Variants in FYB2 observed in about 807,000 individuals in gnomAD.
The protein encoded by FYB2 is FYN-binding protein 2.
Under a neutral mutation model 94.1 loss-of-function variants are expected in FYB2, and 103 were observed. That is an observed-to-expected ratio of 1.09 (90% CI 0.93 to 1.29). The LOEUF is 1.29. FYB2 is among the 50% of genes most tolerant of loss of function. The pLI is 0.00. For missense variants in FYB2, 896 were observed against 841.5 expected, an observed-to-expected ratio of 1.06 and a Z score of -0.80; for synonymous variants, 293 against 287.9, an observed-to-expected ratio of 1.02 and a Z score of -0.18.
chr1:56,786,999 T>G (rs1184660470), intron 4 of FYB2, among the ~76,000 whole-genome samples, 176 bp downstream of exon 4: 3 of 152,122 alleles, frequency 2.0e-5, no homozygotes, highest in Admixed American at 6.6e-5. Context: ...TAAATGCAAT[T>G]TATTTAATCT....
At chr1:56,755,174 A>G (rs984757749) in intron 7 of FYB2, among the ~76,000 whole-genome samples, 2 of 152,130 alleles carry the variant, frequency 1.3e-5, no homozygotes, top group Non-Finnish European at 2.9e-5. Context: ...CTCTGGACCC[A>G]AGAAGTGTGA....
chr1:56,762,409 A>C (rs1003022862), intron 5 of FYB2, among the ~76,000 whole-genome samples: 6 of 152,188 alleles, frequency 3.9e-5, no homozygotes, highest in Non-Finnish European at 5.9e-5. Flanking sequence ...TGATTTAATC[A>C]GAATTTTATA....
intron 15 of FYB2, among the ~76,000 whole-genome samples, chr1:56,730,904 A>G (rs775217334): frequency 6.6e-6 from 1 of 152,118 alleles, no homozygotes; most frequent in Non-Finnish European, 1.5e-5. Context: ...AGCAAACTCA[A>G]TACAACAGCA....
chr1:56,737,547 A>G (rs61765484), intron 14 of FYB2: 2,544 of 155,828 alleles, frequency 0.016, 35 homozygotes, highest in Non-Finnish European at 0.025. Flanking sequence ...GGGGAGAAAC[A>G]GCTTAATAGA....
chr1:56,744,158 T>C lies in FYB2; in HGVS notation c.1496A>G (p.Lys499Arg). ...EIYDDVEYSR[K>R]EVPKLNYSSS... ...AGACTGGAATGTTACTTACACCTCT[T>C]TCCTGGAGTACTCGACATCATCATA... Residue 499 changes from lysine (K) to arginine (R), a missense_variant, in exon 10 of 20, where the codon AAA (lysine) becomes AGA (arginine). Coordinates refer to ENST00000343433, the MANE Select transcript of FYB2 (RefSeq NM_001004303.5). The C allele has an allele frequency of 6.2e-7, 1 of 1,612,436 alleles. No homozygotes were observed. Among genetic ancestry groups the C allele is most frequent in the Non-Finnish European group, 8.5e-7 (1 of 1,178,980 alleles).
At chr1:56,767,998 T>C in intron 4 of FYB2, 60 bp from the exon 5 acceptor site, 1 of 1,336,566 alleles carries the variant, frequency 7.5e-7, no homozygotes, top group South Asian at 1.3e-5. Flanking sequence ...TGAAAGCTTT[T>C]TGTATTTTTT....
intron 1 of FYB2, among the ~76,000 whole-genome samples, chr1:56,809,641 T>C (rs1646721953): frequency 6.6e-6 from 1 of 152,172 alleles, no homozygotes; most frequent in Admixed American, 6.5e-5. Context: ...CAGTGAGGGG[T>C]GGCCACTCCC....
At chr1:56,761,453 G>T (rs1157490660) in intron 5 of FYB2, among the ~76,000 whole-genome samples, 1 of 152,118 alleles carries the variant, frequency 6.6e-6, no homozygotes, top group Non-Finnish European at 1.5e-5. Flanking sequence ...AATTTAAATG[G>T]AATGTTATGC....
rs1646592167 is a variant in FYB2, at chr1:56,804,417, A to T, written c.10-11614T>A. Among the ~76,000 whole-genome samples the T allele has an allele frequency of 2.6e-5, 4 of 152,174 alleles. No homozygotes were observed. The South Asian group carries it at 8.3e-4, about 32-fold the overall frequency. ...GAGAACTACAAATTAATTTCATGCCAATGATGCATCTAAAGCGCAGGTTCA... is the reference window on the plus strand; with the variant it reads ...GAGAACTACAAATTAATTTCATGCCTATGATGCATCTAAAGCGCAGGTTCA... On this transcript the variant is annotated intron_variant, in intron 1 of 19. Transcript: ENST00000343433.
chr1:56,821,841 G>A (rs1646994781), upstream of FYB2, among the ~76,000 whole-genome samples: 1 of 152,200 alleles, frequency 6.6e-6, no homozygotes, highest in Non-Finnish European at 1.5e-5. Context: ...GACTACATGG[G>A]AGGGTGAAGG....
At chr1:56,798,470 G>C (rs1006526108) in intron 1 of FYB2, among the ~76,000 whole-genome samples, 1 of 152,150 alleles carries the variant, frequency 6.6e-6, no homozygotes, top group African/African-American at 2.4e-5. Context: ...CAAAAACAAA[G>C]ACATTGCTAT....
At chr1:56,761,620 C>T (rs940075337) in intron 5 of FYB2, among the ~76,000 whole-genome samples, 1 of 152,070 alleles carries the variant, frequency 6.6e-6, no homozygotes, top group South Asian at 2.1e-4. Context: ...TCATGTATGC[C>T]CAATGCCAAG....
chr1:56,821,102 G>T (rs1305777475), upstream of FYB2, among the ~76,000 whole-genome samples: 1 of 152,166 alleles, frequency 6.6e-6, no homozygotes, highest in African/African-American at 2.4e-5. Flanking sequence ...GCTCCTATGT[G>T]TATAAGTTTG....
At chr1:56,756,186 T>C (rs776224411) in intron 6 of FYB2, among the ~76,000 whole-genome samples, 5 of 152,154 alleles carry the variant, frequency 3.3e-5, no homozygotes, top group Admixed American at 6.5e-5. Flanking sequence ...AAAATTGTTG[T>C]ATGCACACCT....
At chr1:56,798,068 T>C (rs1158368775) in intron 1 of FYB2, among the ~76,000 whole-genome samples, 2 of 152,210 alleles carry the variant, frequency 1.3e-5, no homozygotes, top group African/African-American at 2.4e-5. Context: ...TCCCCAGCAG[T>C]GGCAGAAGTG....
At position 56,792,188 on chromosome 1, in the gene FYB2, C is replaced by T. The variant is rs201622030; in HGVS notation, c.625G>A (p.Val209Ile). 2.0e-4 allele frequency: 329 copies of T among 1,613,972 alleles called. 3 individuals are homozygous for T. The highest frequency in any genetic ancestry group is 1.3e-3 in the Middle Eastern group (8 of 6,060). ...ATTACAAAAGAGGGATCTTCAGAGA[C>T]GTTATGTAATATTTTGGGGGCCACC... ...HVVAPKILHN[V>I]SEDPSFVISQ... Residue 209 changes from valine (V) to isoleucine (I), a missense_variant, in exon 2 of 20, where the codon GTC becomes ATC. By Grantham distance (29) the Val-to-Ile change is conservative (BLOSUM62 3). Transcript: ENST00000343433.
At chr1:56,819,584 G>A (rs891392681), upstream of FYB2, 1 of 550,306 alleles carries the variant, frequency 1.8e-6, no homozygotes, top group Non-Finnish European at 3.3e-6. Context: ...TCAGCAAGCG[G>A]CTCTTCCCGT....
intron 6 of FYB2, among the ~76,000 whole-genome samples, chr1:56,757,823 G>A: frequency 6.8e-6 from 1 of 147,984 alleles, no homozygotes; most frequent in Non-Finnish European, 1.5e-5. Context: ...AGGCTAAAGT[G>A]TAGTGGTACA....
chr1:56,821,229 C>T (rs1646987795), upstream of FYB2, among the ~76,000 whole-genome samples: 1 of 152,218 alleles, frequency 6.6e-6, no homozygotes, highest in Non-Finnish European at 1.5e-5. Flanking sequence ...CCCTAGTGGC[C>T]TCAGGCCAGC....
Sources: gnomAD v4.1 joint callset for allele counts (sites outside exome capture counted in the v4.1 genomes callset) on GRCh38, gnomAD v4.1.1 for gene constraint, MANE v1.5 for transcripts, NCBI Gene and HGNC (gene_info 2026-07-23, HGNC 2026-07-21) for gene names.